The following PRKCH variants were observed in gnomAD, a reference collection of about 807,000 sequenced individuals.
PRKCH encodes protein kinase C eta.
In PRKCH, 28 loss-of-function variants were observed where a neutral mutation model predicts 82.5. The observed-to-expected ratio is 0.34, with a 90% confidence interval of 0.25 to 0.47. The LOEUF is 0.47. Among genes scored for constraint, PRKCH ranks in the 20% least tolerant of loss-of-function variants. PRKCH has a pLI of 1.00. For missense variants in PRKCH, 705 were observed against 881.8 expected, an observed-to-expected ratio of 0.80 and a Z score of 2.54; for synonymous variants, 322 against 327.4, an observed-to-expected ratio of 0.98 and a Z score of 0.18.
intron 1 of PRKCH, among the ~76,000 whole-genome samples, chr14:61,238,096 C>T (rs1396429908): frequency 6.6e-6 from 1 of 152,226 alleles, no homozygotes; most frequent in Non-Finnish European, 1.5e-5. Flanking sequence ...ATGGAGAAAC[C>T]TTTAGGCCAA....
chr14:61,538,878 C>T (rs977779225), intron 12 of PRKCH, among the ~76,000 whole-genome samples: 11 of 152,222 alleles, frequency 7.2e-5, no homozygotes, highest in African/African-American at 2.7e-4. Flanking sequence ...GCCTTGATTT[C>T]ATCAGAGGAG....
rs148683115 is a variant in PRKCH at position 61,230,594 on chromosome 14, G to A, written c.-19+42926G>A. ...ATTTAAATTGCATGCATCTTCAGAT[G>A]TACAAATCAAATGTGTTTCCATCTA... On this transcript the variant is annotated intron_variant, in intron 1 of 3. Transcript: ENST00000555185. Among the ~76,000 whole-genome samples the A allele has an allele frequency of 4.8e-4, 73 of 152,336 alleles. No homozygotes were observed. The East Asian group carries it at 0.011, about 24-fold the overall frequency.
At chr14:61,520,496 C>T (rs1310482127) in intron 10 of PRKCH, among the ~76,000 whole-genome samples, 2 of 151,998 alleles carry the variant, frequency 1.3e-5, no homozygotes, top group African/African-American at 2.4e-5. Flanking sequence ...ATTTACAACC[C>T]ATAGAACCAA....
In PRKCH at chr14:61,436,024, G is replaced by C. The variant is rs553024926; in HGVS notation, c.428-7087G>C. 2.6e-5 allele frequency among the ~76,000 whole-genome samples: 4 copies of C among 152,290 alleles called. No individual in the cohort carries two copies. The East Asian group carries it at 7.7e-4, about 29-fold the overall frequency. ...ATCACAGACATGAAAAAGGAAAGATGATGATGAGTGGAAAATGGGAGGTCA... is the reference window on the plus strand; with the variant it reads ...ATCACAGACATGAAAAAGGAAAGATCATGATGAGTGGAAAATGGGAGGTCA... On this transcript the variant is annotated intron_variant, in intron 2 of 13. Coordinates refer to ENST00000332981, the MANE Select transcript of PRKCH (RefSeq NM_006255.5).
At chr14:61,258,762 G>A (rs1464105403) in intron 1 of PRKCH, among the ~76,000 whole-genome samples, 1 of 152,150 alleles carries the variant, frequency 6.6e-6, no homozygotes, top group East Asian at 1.9e-4. Flanking sequence ...AATATTTTGT[G>A]GGCTTTAATC....
intron 10 of PRKCH, among the ~76,000 whole-genome samples, chr14:61,507,606 TC>T (rs1566919845): frequency 6.6e-6 from 1 of 151,934 alleles, no homozygotes; most frequent in African/African-American, 2.4e-5. Flanking sequence ...AAGAAGGAAA[TC>T]CTATCATTCC....
chr14:61,395,562 A>G (rs943361048), intron 2 of PRKCH, among the ~76,000 whole-genome samples: 7 of 152,216 alleles, frequency 4.6e-5, no homozygotes, highest in Non-Finnish European at 1.0e-4. Flanking sequence ...GTCAAAGCTC[A>G]GGAAATGTTG....
chr14:61,399,459 A>G (rs1881480042), intron 2 of PRKCH, among the ~76,000 whole-genome samples: 1 of 152,210 alleles, frequency 6.6e-6, no homozygotes, highest in Admixed American at 6.5e-5. Flanking sequence ...AAGTAAGTTA[A>G]AAATTTTAAA....
In PRKCH at chr14:61,374,160, A is replaced by G. The variant is rs189339128; in HGVS notation, c.364-17065A>G. Among the ~76,000 whole-genome samples the G allele has an allele frequency of 6.8e-4, 103 of 152,240 alleles. 2 individuals are homozygous for G. In the South Asian group the frequency reaches 7.9e-3, roughly 12 times the overall value. On this transcript the variant is annotated intron_variant, in intron 1 of 13. Transcript: ENST00000332981. Reference sequence around the variant, plus strand: ...TAGTCATTAAATCTTAAAGCTCCAAAGTAATCTCCTTTGACTCCATGTCTC... The same window carrying G: ...TAGTCATTAAATCTTAAAGCTCCAAGGTAATCTCCTTTGACTCCATGTCTC...
intron 9 of PRKCH, 80 bp from the exon 10 acceptor site, chr14:61,485,422 A>G (rs769478310): frequency 1.4e-5 from 21 of 1,506,832 alleles, no homozygotes; most frequent in Admixed American, 1.9e-5. Context: ...TCTATGCCAC[A>G]GCCTTAGGCA....
chr14:61,366,762 T>TATGTG (rs2046301639), intron 1 of PRKCH, among the ~76,000 whole-genome samples: 3 of 152,194 alleles, frequency 2.0e-5, no homozygotes, highest in Middle Eastern at 6.8e-3. Context: ...TACTTTATGT[T>TATGTG]TATGTGTATA....
intron 9 of PRKCH, among the ~76,000 whole-genome samples, chr14:61,480,427 G>A (rs143878297): frequency 6.8e-4 from 104 of 152,352 alleles, no homozygotes; most frequent in Middle Eastern, 3.4e-3. Flanking sequence ...AGAGCTGTAG[G>A]TGAGAGGTTA....
At chr14:61,332,648 C>T (rs1223244051) in intron 1 of PRKCH, among the ~76,000 whole-genome samples, 1 of 152,178 alleles carries the variant, frequency 6.6e-6, no homozygotes, top group East Asian at 1.9e-4. Context: ...GTCATAATTG[C>T]ATTAATAAGT....
intron 1 of PRKCH, among the ~76,000 whole-genome samples, chr14:61,191,439 GA>G (rs751091094): frequency 1.3e-5 from 2 of 152,224 alleles, no homozygotes; most frequent in Non-Finnish European, 2.9e-5. Context: ...TTAGGAGGCT[GA>G]GGTGGGCGGA....
At position 61,408,761 on chromosome 14, in the gene PRKCH, A is replaced by G. The variant is rs138993482; in HGVS notation, c.427+17473A>G. ...TGTACTTGGTGGTGAATCATCTAAA[A>G]GATACTGGAAAAATGTGATTACAGA... On this transcript the variant is annotated intron_variant, in intron 2 of 13. Transcript: ENST00000332981. 8.3e-3 allele frequency among the ~76,000 whole-genome samples: 1,259 copies of G among 152,310 alleles called. 32 individuals are homozygous for G. The highest frequency in any genetic ancestry group is 0.029 in the African/African-American group (1,191 of 41,544).
chr14:61,494,069 C>A (rs569555258), intron 10 of PRKCH, among the ~76,000 whole-genome samples: 1 of 152,020 alleles, frequency 6.6e-6, no homozygotes, highest in African/African-American at 2.4e-5. Context: ...ATGACAGGTG[C>A]CTGAGGTATA....
rs1476309308 is a variant in PRKCH at position 61,547,859 on chromosome 14, A to G, written c.1878A>G (p.Gln626=). Residue 626 remains glutamine, a synonymous_variant, in exon 13 of 14, where the codon CAA becomes CAG. Transcript: ENST00000332981. ...ACTGGGCCCAGCTGAACCATCGCCAAATAGAACCGCCTTTCAGACCCAGAA... is the reference window on the plus strand; with the variant it reads ...ACTGGGCCCAGCTGAACCATCGCCAGATAGAACCGCCTTTCAGACCCAGAA... ...EIDWAQLNHR[Q]IEPPFRPRIK... 2 of 1,614,006 alleles carry G rather than the reference A, an allele frequency of 1.2e-6. No individual in the cohort carries two copies. Among genetic ancestry groups the G allele is most frequent in the East Asian group, 2.2e-5 (1 of 44,874 alleles).
chr14:61,201,312 G>T (rs2044479321), intron 1 of PRKCH, among the ~76,000 whole-genome samples: 1 of 152,100 alleles, frequency 6.6e-6, no homozygotes. Flanking sequence ...ATGAAAAATT[G>T]AGGCATAGAG....
chr14:61,513,931 G>T (rs530891407), intron 10 of PRKCH, among the ~76,000 whole-genome samples: 37 of 152,152 alleles, frequency 2.4e-4, no homozygotes, highest in Non-Finnish European at 4.7e-4. Flanking sequence ...CCATCCCATC[G>T]TTTTACAGAT....
Sources: allele counts gnomAD v4.1 joint callset (sites outside exome capture counted in the v4.1 genomes callset), GRCh38; gene constraint gnomAD v4.1.1; transcripts MANE v1.5; gene names NCBI Gene and HGNC (gene_info 2026-07-23, HGNC 2026-07-21).